HTR2C: variants seen among roughly 807,000 people sequenced by gnomAD.
HTR2C encodes the protein 5-hydroxytryptamine receptor 2C, also known as 5-hydroxytryptamine (serotonin) receptor 2C, G protein-coupled.
A neutral mutation model predicts 21.0 loss-of-function variants in HTR2C; 5 were observed. That is an observed-to-expected ratio of 0.24 (90% CI 0.12 to 0.50). The LOEUF (loss-of-function observed/expected upper bound fraction) is 0.50. HTR2C is among the 20% of genes least tolerant of loss of function. HTR2C has a pLI of 0.98. For synonymous variants in HTR2C, 150 were observed against 145.3 expected (o/e 1.03, Z -0.23); for missense variants, 271 against 371.2 (o/e 0.73, Z 2.22).
intron 5 of HTR2C, among the ~76,000 whole-genome samples, chrX:114,891,906 T>TA (rs1340557359): frequency 2.7e-5 from 3 of 111,403 alleles, no homozygotes; most frequent in African/African-American, 6.5e-5. Context: ...TTTTAAATTC[T>TA]ATTGAGAGGA....
At chrX:114,603,237 C>T (rs1324998340) in intron 1 of HTR2C, among the ~76,000 whole-genome samples, 4 of 112,864 alleles carry the variant, frequency 3.5e-5, no homozygotes, top group African/African-American at 1.3e-4. Context: ...GTGAGTATAG[C>T]TGAAGGAGCC....
At chrX:114,616,323 G>C (rs1382176562) in intron 2 of HTR2C, among the ~76,000 whole-genome samples, 1 of 109,133 alleles carries the variant, frequency 9.2e-6, no homozygotes, top group Non-Finnish European at 1.9e-5. Flanking sequence ...GTCTCGCTCT[G>C]TTGCCCAGGC....
At chrX:114,841,581 A>C (rs2070833932) in intron 4 of HTR2C, among the ~76,000 whole-genome samples, 1 of 110,649 alleles carries the variant, frequency 9.0e-6, no homozygotes. Flanking sequence ...CTCTACTAAA[A>C]ATACAAAAAA....
chrX:114,733,519 A>C (rs782704076), intron 4 of HTR2C, among the ~76,000 whole-genome samples: 52 of 110,079 alleles, frequency 4.7e-4, no homozygotes, highest in African/African-American at 1.6e-3. Flanking sequence ...AAAAGTATGC[A>C]TAAGACTCAA....
intron 2 of HTR2C, among the ~76,000 whole-genome samples, chrX:114,697,004 C>G (rs1313883482): frequency 1.8e-5 from 2 of 111,475 alleles, no homozygotes; most frequent in Non-Finnish European, 3.8e-5. Flanking sequence ...CCTGGGAAGC[C>G]ATCAGCTCTT....
At chrX:114,629,835 G>C (rs1556403777) in intron 2 of HTR2C, among the ~76,000 whole-genome samples, 1 of 111,107 alleles carries the variant, frequency 9.0e-6, no homozygotes, top group African/African-American at 3.3e-5. Flanking sequence ...TGGTAAGGCA[G>C]CATACCAGGC....
intron 4 of HTR2C, among the ~76,000 whole-genome samples, chrX:114,745,538 T>C (rs2069694423): frequency 8.9e-6 from 1 of 111,986 alleles, no homozygotes; most frequent in Non-Finnish European, 1.9e-5. Context: ...ATAGCCAAGG[T>C]TTGGAAGCAA....
At chrX:114,614,521 A>C (rs1556399560) in intron 2 of HTR2C, among the ~76,000 whole-genome samples, 2 of 110,750 alleles carry the variant, frequency 1.8e-5, no homozygotes, top group African/African-American at 6.6e-5. Flanking sequence ...CGACCTCCCA[A>C]AGTGCTGGGA....
intron 2 of HTR2C, among the ~76,000 whole-genome samples, chrX:114,674,084 A>G (rs1451363526): frequency 8.9e-6 from 1 of 112,368 alleles, no homozygotes; most frequent in African/African-American, 3.2e-5. Context: ...GCCTCAAGGC[A>G]ATGCAGGGGC....
intron 2 of HTR2C, among the ~76,000 whole-genome samples, chrX:114,616,082 T>C (rs1015401647): frequency 9.0e-6 from 1 of 111,325 alleles, no homozygotes. Flanking sequence ...ATATGTACAA[T>C]ATATTTATTA....
intron 2 of HTR2C, among the ~76,000 whole-genome samples, chrX:114,707,178 G>C (rs1932789434): frequency 9.0e-6 from 1 of 111,546 alleles, no homozygotes; most frequent in African/African-American, 3.3e-5. Context: ...TAATTTAAGT[G>C]CATACTATTT....
chrX:114,834,657 C>G lies in HTR2C; in HGVS notation c.350-13346C>G, dbSNP rs1323268904. Among the ~76,000 whole-genome samples the G allele has an allele frequency of 5.0e-4, 52 of 104,077 alleles. 1 individual carries two copies. Among genetic ancestry groups the G allele is most frequent in the African/African-American group, 1.7e-3 (49 of 28,706 alleles). 90.4% of individuals were successfully genotyped at this position (104,077 alleles called of 115,157 possible). A position where few individuals can be genotyped will look rare whatever the true frequency, so the allele number is the denominator to read the frequency against. ...ACACTGATGGGTCTTGACTCTTTAT[C>G]CAATTTGCCAGTCTGTGTCTTTTAA... On this transcript the variant is annotated intron_variant, in intron 4 of 5. Transcript: ENST00000276198.
chrX:114,701,816 A>C (rs1556416836), intron 2 of HTR2C, among the ~76,000 whole-genome samples: 3 of 111,722 alleles, frequency 2.7e-5, no homozygotes, highest in Non-Finnish European at 5.6e-5. Context: ...CTTTGAAAAA[A>C]ATTTAGACGA....
At chrX:114,803,054 C>T (rs1556447456) in intron 4 of HTR2C, among the ~76,000 whole-genome samples, 1 of 86,817 alleles carries the variant, frequency 1.2e-5, no homozygotes, top group Non-Finnish European at 2.2e-5. Flanking sequence ...CTACAAAGGA[C>T]ATGAACTCAT....
chrX:114,815,787 A>G (rs996761017), intron 4 of HTR2C, among the ~76,000 whole-genome samples: 36 of 34,393 alleles, frequency 1.0e-3, no homozygotes, highest in Non-Finnish European at 2.2e-3. Context: ...TTTAGAAACT[A>G]TATGACTTTT....
intron 3 of HTR2C, 31 bp downstream of exon 3, chrX:114,727,002 A>T (rs201679410): frequency 3.5e-5 from 32 of 902,394 alleles, no homozygotes; most frequent in Non-Finnish European, 4.8e-5. Context: ...TATTTTAGTA[A>T]AAAGATAACT....
At position 114,593,238 on chromosome X, in the gene HTR2C, T is replaced by C. The variant is rs190249244; in HGVS notation, c.-147+8579T>C. On this transcript the variant is annotated intron_variant, in intron 1 of 5. Transcript: ENST00000276198. ...AATAGACATAATTGTTTGCACCTCT[T>C]ACATGGCACTTAGCACATTGTATTA... is the stretch of plus-strand genomic sequence containing the variant. Among the ~76,000 whole-genome samples, 691 of 111,749 alleles carry C rather than the reference T, an allele frequency of 6.2e-3. 1 individual carries two copies. Among genetic ancestry groups the C allele is most frequent in the African/African-American group, 0.021 (648 of 30,787 alleles).
chrX:114,755,603 T>C (rs933900894), intron 4 of HTR2C, among the ~76,000 whole-genome samples: 4 of 111,983 alleles, frequency 3.6e-5, no homozygotes, highest in African/African-American at 1.3e-4. Flanking sequence ...CAAAGACTCC[T>C]TTTTATTGCC....
At chrX:114,621,801 A>T (rs1556401762) in intron 2 of HTR2C, among the ~76,000 whole-genome samples, 1 of 112,205 alleles carries the variant, frequency 8.9e-6, no homozygotes, top group Non-Finnish European at 1.9e-5. Context: ...TAGGTTGAGA[A>T]GGCTCAATGA....
Sources: gnomAD v4.1 joint callset for allele counts (sites outside exome capture counted in the v4.1 genomes callset) on GRCh38, gnomAD v4.1.1 for gene constraint, MANE v1.5 for transcripts, NCBI Gene and HGNC (gene_info 2026-07-23, HGNC 2026-07-21) for gene names.